Variants in TRAK1 observed in about 807,000 individuals in gnomAD.
TRAK1 encodes the protein trafficking kinesin-binding protein 1.
Under a neutral mutation model 92.1 loss-of-function variants are expected in TRAK1, and 33 were observed. The observed-to-expected ratio is 0.36, with a 90% CI of 0.27 to 0.48. The LOEUF (loss-of-function observed/expected upper bound fraction) is 0.48. Among genes scored for constraint, TRAK1 ranks in the 20% least tolerant of loss-of-function variants. The probability of loss-of-function intolerance (pLI) is 0.99; values close to 1 mark genes in which losing one functional copy is unlikely to be tolerated. For missense variants in TRAK1, 1,123 were observed against 1,257.9 expected, an observed-to-expected ratio of 0.89 and a Z score of 1.62; for synonymous variants, 521 against 517.3, an observed-to-expected ratio of 1.01 and a Z score of -0.10.
upstream of TRAK1, chr3:42,091,087 C>T (rs1195096876): frequency 8.9e-6 from 2 of 224,288 alleles, no homozygotes; most frequent in Non-Finnish European, 1.7e-5. Flanking sequence ...TCACTCCTCC[C>T]CCAGTTCCCA....
rs2149139364 is a variant in TRAK1, at chr3:42,125,430, C to T, written c.102C>T (p.Asn34=). 6 of 1,614,068 alleles carry T rather than the reference C, an allele frequency of 3.7e-6. No individual in the cohort carries two copies. In the East Asian group the frequency reaches 6.7e-5, roughly 18 times the overall value. ...TTGTCTTGTCTTTAGATGTGTGCAACAGCACCGATCTTCCGGAAGTCGAGA... is the reference window on the plus strand; with the variant it reads ...TTGTCTTGTCTTTAGATGTGTGCAATAGCACCGATCTTCCGGAAGTCGAGA... The part of the protein sequence containing the change: ...LIRTNACDVC[N]STDLPEVEII... Residue 34 remains asparagine (N), a synonymous_variant, in exon 2 of 16, where the codon AAC becomes AAT. Coordinates refer to ENST00000327628, the MANE Select transcript of TRAK1 (RefSeq NM_001042646.3).
At chr3:42,110,484 T>TCC (rs1365855858) in intron 1 of TRAK1, among the ~76,000 whole-genome samples, 1 of 152,132 alleles carries the variant, frequency 6.6e-6, no homozygotes, top group East Asian at 1.9e-4. Flanking sequence ...CTGAAAGGGT[T>TCC]CCTCCTGCCT....
Position 42,223,475 on chromosome 3 carries a change from C to T in TRAK1, c.2600C>T (p.Thr867Ile). The T allele has an allele frequency of 1.2e-6, 2 of 1,613,928 alleles. No individual in the cohort carries two copies. The highest frequency in any genetic ancestry group is 1.7e-6 in the Non-Finnish European group (2 of 1,180,032). The change falls in exon 16 of 16, where the codon ACT (threonine) becomes ATT (isoleucine). Residue 867 changes from threonine to isoleucine, a missense_variant. Thr to Ile is a moderately conservative substitution (Grantham distance 89). Coordinates refer to ENST00000327628, the MANE Select transcript of TRAK1 (RefSeq NM_001042646.3). The surrounding 1 kb of genome is among the most constrained non-coding windows in gnomAD (Gnocchi z 6.1). ...GGGCGAGCCCATGTCCCCACCTTGA[C>T]TGAGGAGCAGGGACCCCTCCTCTGT... ...NSGRAHVPTL[T>I]EEQGPLLCGP...
chr3:42,167,207 G>A (rs919246427), intron 2 of TRAK1, among the ~76,000 whole-genome samples: 2 of 152,294 alleles, frequency 1.3e-5, no homozygotes, highest in Admixed American at 6.5e-5. Context: ...CTGTGCACCC[G>A]AGCTTTGTTT....
chr3:42,082,262 G>A (rs536727722), upstream of TRAK1, among the ~76,000 whole-genome samples: 1 of 152,230 alleles, frequency 6.6e-6, no homozygotes, highest in Admixed American at 6.5e-5. Flanking sequence ...TAGTGAAAGC[G>A]AAAGTTATAT....
At chr3:42,164,906 G>C (rs1701679556) in intron 2 of TRAK1, among the ~76,000 whole-genome samples, 1 of 152,198 alleles carries the variant, frequency 6.6e-6, no homozygotes, top group Non-Finnish European at 1.5e-5. Context: ...GGAAAACACT[G>C]GTGAAAAGAG....
intron 1 of TRAK1, among the ~76,000 whole-genome samples, chr3:42,053,303 C>T (rs985049071): frequency 6.0e-5 from 9 of 150,864 alleles, no homozygotes; most frequent in Middle Eastern, 3.4e-3. Context: ...GATAATGGAC[C>T]GCCTCCCCCT....
At chr3:42,093,984 G>A (rs1358444930) in intron 1 of TRAK1, among the ~76,000 whole-genome samples, 1 of 151,970 alleles carries the variant, frequency 6.6e-6, no homozygotes, top group Non-Finnish European at 1.5e-5. Context: ...GATTACAGGC[G>A]TGAGCCGCCG....
chr3:42,104,317 G>A (rs138207286), intron 1 of TRAK1, among the ~76,000 whole-genome samples: 2,236 of 152,310 alleles, frequency 0.015, 18 homozygotes, highest in Non-Finnish European at 0.024. Context: ...AGACTTAAAT[G>A]TCCCTGTCTG....
chr3:42,219,887 C>T (rs1347541440), intron 15 of TRAK1, among the ~76,000 whole-genome samples: 2 of 146,760 alleles, frequency 1.4e-5, no homozygotes, highest in Non-Finnish European at 3.0e-5. Flanking sequence ...CCTCCACCTC[C>T]TGGGTTCAAG....
At chr3:42,163,024 A>G (rs1576716875) in intron 2 of TRAK1, among the ~76,000 whole-genome samples, 1 of 152,390 alleles carries the variant, frequency 6.6e-6, no homozygotes, top group African/African-American at 2.4e-5. Flanking sequence ...CTTCAAGTGC[A>G]GCCAGTGCCT....
At chr3:42,036,877 G>T (rs1312227465) in intron 1 of TRAK1, among the ~76,000 whole-genome samples, 1 of 152,158 alleles carries the variant, frequency 6.6e-6, no homozygotes, top group African/African-American at 2.4e-5. Context: ...AGCTTCCTGA[G>T]TAGCTAGGAT....
rs778708244 is a variant in TRAK1 at position 42,095,718 on chromosome 3, G to GTCATCGTCA, written c.91+4163_91+4164insGTCATCATC. ...TATCCCATTGTTTGGCTTTATCATC[G>GTCATCGTCA]TCATCATCATCATCATCATCATCAT... On this transcript the variant is annotated intron_variant, in intron 1 of 15. Transcript: ENST00000327628. Among the ~76,000 whole-genome samples, 1,321 of 151,282 alleles carry GTCATCGTCA rather than the reference G, an allele frequency of 8.7e-3. 15 individuals are homozygous for GTCATCGTCA. Among genetic ancestry groups the GTCATCGTCA allele is most frequent in the African/African-American group, 0.026 (1,078 of 41,148 alleles).
intron 1 of TRAK1, among the ~76,000 whole-genome samples, chr3:42,097,644 C>G (rs1706127606): frequency 6.6e-6 from 1 of 152,162 alleles, no homozygotes; most frequent in African/African-American, 2.4e-5. Context: ...ATTCTAATTA[C>G]TATTTATATC....
In TRAK1 at chr3:42,203,626, G is replaced by A. The variant is rs1175152133; in HGVS notation, c.1744+874G>A. Reference sequence around the variant, plus strand: ...TCCTTTAGTTTGGAAAGCCATATACGTTTGAGAAGGTGTTTTAAAACTCTG... The same window carrying A: ...TCCTTTAGTTTGGAAAGCCATATACATTTGAGAAGGTGTTTTAAAACTCTG... On this transcript the variant is annotated intron_variant, in intron 13 of 15. Transcript: ENST00000327628. 1.8e-5 allele frequency: 18 copies of A among 983,818 alleles called. No individual in the cohort carries two copies. The South Asian group carries it at 3.3e-4, about 18-fold the overall frequency. The allele number at this position is 983,818 out of a possible 1,614,324, so 60.9% of individuals were successfully genotyped here. A position where few individuals can be genotyped will look rare whatever the true frequency, so the allele number is the denominator to read the frequency against.
intron 1 of TRAK1, among the ~76,000 whole-genome samples, chr3:42,023,553 G>C (rs1283133992): frequency 6.6e-6 from 1 of 152,026 alleles, no homozygotes; most frequent in East Asian, 1.9e-4. Context: ...GGGGGTTAGC[G>C]AGTGATAGTG....
At chr3:42,185,428 A>G (rs1033571718) in intron 4 of TRAK1, among the ~76,000 whole-genome samples, 1 of 152,210 alleles carries the variant, frequency 6.6e-6, no homozygotes, top group Admixed American at 6.5e-5. Context: ...GAGGAAGGGA[A>G]TGGAGCTTTT....
chr3:42,133,439 C>T (rs764894108), intron 2 of TRAK1, among the ~76,000 whole-genome samples: 8 of 152,114 alleles, frequency 5.3e-5, no homozygotes, highest in African/African-American at 9.7e-5. Context: ...AGGCTGGCCT[C>T]GAACTCCTGG....
rs765008976 is a variant in TRAK1 at position 42,188,164 on chromosome 3, G to A, written c.581+19G>A. The A allele has an allele frequency of 6.8e-6, 11 of 1,612,180 alleles. No individual in the cohort carries two copies. The highest frequency in any genetic ancestry group is 9.3e-6 in the Non-Finnish European group (11 of 1,178,390). ...CAACCCCGTAAGTCACCAGAGGGCT[G>A]TATTTCTGGAGGCCAGAGCACAGGC... On this transcript the variant is annotated intron_variant, in intron 5 of 15. Coordinates refer to ENST00000327628, the MANE Select transcript of TRAK1 (RefSeq NM_001042646.3).
Sources: allele counts gnomAD v4.1 joint callset (sites outside exome capture counted in the v4.1 genomes callset), GRCh38; gene constraint gnomAD v4.1.1; non-coding constraint Gnocchi (gnomAD v3.1); transcripts MANE v1.5; gene names NCBI Gene and HGNC (gene_info 2026-07-23, HGNC 2026-07-21).